MICALL2: variants seen among roughly 807,000 people sequenced by gnomAD.
MICALL2 encodes the protein MICAL like 2.
MICALL2 carries 111 observed loss-of-function variants against 91.1 expected under a neutral mutation model. That is an observed-to-expected ratio of 1.22 (90% CI 1.04 to 1.43). MICALL2 has a LOEUF of 1.43. Among genes scored for constraint, MICALL2 ranks in the 40% most tolerant of loss-of-function variants. The pLI is 0.00. For synonymous variants in MICALL2, 694 were observed against 525.3 expected (o/e 1.32, Z -4.39); for missense variants, 1,556 against 1,236.0 (o/e 1.26, Z -3.88).
intron 7 of MICALL2, 153 bp downstream of exon 7, chr7:1,442,039 G>A: frequency 3.4e-6 from 3 of 870,470 alleles, no homozygotes; most frequent in South Asian, 1.6e-5. Flanking sequence ...GACCCCAGGA[G>A]GCTGCGAGCA....
In MICALL2 at chr7:1,434,516, T is replaced by A. The variant is rs1002893848; in HGVS notation, c.*80A>T. On this transcript the variant is annotated 3_prime_UTR_variant, in exon 17 of 17. Coordinates refer to ENST00000297508, the MANE Select transcript of MICALL2 (RefSeq NM_182924.4). ...CACGGCCCCGAGTACAAGTCCGGGT[T>A]CCGGGTCCGGGCCAAGCCCATGGCC... 3 of 1,288,520 alleles carry A rather than the reference T, an allele frequency of 2.3e-6. No homozygotes were observed. Among genetic ancestry groups the A allele is most frequent in the Admixed American group, 1.7e-5 (1 of 59,162 alleles). 79.8% of individuals were successfully genotyped at this position (1,288,520 alleles called of 1,614,324 possible).
chr7:1,448,628 C>T lies in MICALL2; in HGVS notation c.326G>A (p.Arg109His), dbSNP rs147276407. 39 of 1,612,498 alleles carry T rather than the reference C, an allele frequency of 2.4e-5. No homozygotes were observed. Among genetic ancestry groups the T allele is most frequent in the South Asian group, 1.1e-5 (1 of 91,078 alleles). Residue 109 changes from arginine to histidine, a missense_variant, in exon 3 of 17, where the codon CGC becomes CAC. Coordinates refer to ENST00000297508, the MANE Select transcript of MICALL2 (RefSeq NM_182924.4). ...VSQYYNYFHG[R>H]SPIGGMAGVK... is the part of the protein sequence containing the mutation. Reference sequence around the variant, plus strand: ...GCGCGGCAGGGACTCACTGGGGGAGCGGCCGTGGAAGTAGTTGTAATACTG... The same window carrying T: ...GCGCGGCAGGGACTCACTGGGGGAGTGGCCGTGGAAGTAGTTGTAATACTG...
chr7:1,449,009 A>G (rs1210286411), intron 2 of MICALL2, among the ~76,000 whole-genome samples: 1 of 152,238 alleles, frequency 6.6e-6, no homozygotes, highest in African/African-American at 2.4e-5. Flanking sequence ...CGTCCAGGTG[A>G]AACCTCAGGG....
chr7:1,435,944 T>A (rs951714613), intron 15 of MICALL2, among the ~76,000 whole-genome samples: 1 of 148,838 alleles, frequency 6.7e-6, no homozygotes, highest in Non-Finnish European at 1.5e-5. Flanking sequence ...CCCAGCTACT[T>A]GGGAAGCTGA....
At chr7:1,456,481 G>A (rs1781021653) in intron 1 of MICALL2, among the ~76,000 whole-genome samples, 1 of 152,204 alleles carries the variant, frequency 6.6e-6, no homozygotes, top group South Asian at 2.1e-4. Flanking sequence ...AGCTACTTGG[G>A]AGGCTGAGGC....
intron 10 of MICALL2, 135 bp downstream of exon 10, chr7:1,438,705 G>C: frequency 6.7e-7 from 1 of 1,486,910 alleles, no homozygotes; most frequent in Non-Finnish European, 8.9e-7. Context: ...GCACGGGGCT[G>C]GGTCCTTCCT....
Position 1,450,226 on chromosome 7 carries a change from C to CG in MICALL2, c.192+13dup, listed in dbSNP as rs747131417. The CG allele has an allele frequency of 1.5e-4, 248 of 1,610,740 alleles. No individual in the cohort carries two copies. Among genetic ancestry groups the CG allele is most frequent in the Non-Finnish European group, 1.7e-5 (20 of 1,178,710 alleles). ...GGCTAAGCCAGCTGTGAGGCCGGGG[C>CG]GGGGGCCACTCACCAGTTTATTGTT... On this transcript the variant is annotated intron_variant, in intron 2 of 16. Coordinates refer to ENST00000297508, the MANE Select transcript of MICALL2 (RefSeq NM_182924.4).
At chr7:1,455,944 C>T (rs1003400178) in intron 1 of MICALL2, among the ~76,000 whole-genome samples, 6 of 151,972 alleles carry the variant, frequency 3.9e-5, no homozygotes, top group Non-Finnish European at 5.9e-5. Flanking sequence ...AGAGGACAAC[C>T]GGTCTGTGCC....
intron 9 of MICALL2, 31 bp downstream of exon 9, chr7:1,439,894 C>T (rs2128520184): frequency 7.1e-7 from 1 of 1,401,580 alleles, no homozygotes; most frequent in African/African-American, 1.5e-5. Flanking sequence ...GCTAGGCAAC[C>T]CGGGGGCCCC....
intron 16 of MICALL2, 194 bp from the exon 17 acceptor site, chr7:1,434,866 C>T: frequency 2.8e-6 from 2 of 713,354 alleles, no homozygotes; most frequent in South Asian, 3.7e-5. Context: ...GGGCTGGTCC[C>T]CACCATGACC....
Position 1,434,615 on chromosome 7 carries a change from T to C in MICALL2, c.2696A>G (p.Lys899Arg). 1 of 1,591,406 alleles carries C rather than the reference T, an allele frequency of 6.3e-7. No homozygotes were observed. The highest frequency in any genetic ancestry group is 2.2e-5 in the East Asian group (1 of 44,712). ...TGGCTACTACTGGGAGGGGCTGCTT[T>C]TGCTTTTTGGTGACCAGATCTTGGA... ...RLSKIWSPKS[K>R]SSPSQ Residue 899 changes from lysine to arginine, a missense_variant, in exon 17 of 17, where the codon AAA becomes AGA. Coordinates refer to ENST00000297508, the MANE Select transcript of MICALL2 (RefSeq NM_182924.4).
rs749003870 is a variant in MICALL2, at chr7:1,445,251, T to TG, written c.818dup (p.Gln274ThrfsTer51). 3.7e-6 allele frequency: 6 copies of TG among 1,612,352 alleles called. 1 individual carries two copies. Among genetic ancestry groups the TG allele is most frequent in the Middle Eastern group, 1.7e-4 (1 of 6,060 alleles). On this transcript the variant is annotated frameshift_variant, in exon 6 of 17. Coordinates refer to ENST00000297508, the MANE Select transcript of MICALL2 (RefSeq NM_182924.4). LOFTEE classifies it high-confidence loss of function. The stretch of plus-strand genomic sequence containing the variant: ...CCTTGTTTGCCTCCTGGGCCTTCTG[T>TG]GGGGAACAGGAGGTCCTGGAATCCA...
Position 1,437,571 on chromosome 7 carries a change from T to C in MICALL2, c.2440A>G (p.Ile814Val), listed in dbSNP as rs891984026. The C allele has an allele frequency of 1.3e-6, 2 of 1,535,738 alleles. No homozygotes were observed. The highest frequency in any genetic ancestry group is 1.7e-6 in the Non-Finnish European group (2 of 1,145,558). Reference sequence around the variant, plus strand: ...ATGAGCCGGCGCAGCTCGCCCTCGATGTCCAGCTGCTGCTCCTCCAGACGC... The same window carrying C: ...ATGAGCCGGCGCAGCTCGCCCTCGACGTCCAGCTGCTGCTCCTCCAGACGC... ...AQRLEEQQLD[I>V]EGELRRLMAK... is the part of the protein sequence containing the mutation. Residue 814 changes from isoleucine (I) to valine (V), a missense_variant, in exon 14 of 17, where the codon ATC becomes GTC. Ile to Val is a conservative substitution (Grantham distance 29). Transcript: ENST00000297508.
intron 3 of MICALL2, among the ~76,000 whole-genome samples, chr7:1,448,207 G>A (rs116855802): frequency 0.015 from 2,297 of 152,340 alleles, 33 homozygotes; most frequent in Middle Eastern, 0.041. Context: ...CAGGACAGAT[G>A]AAGGTAGGCC....
At chr7:1,455,790 G>A (rs1036707206) in intron 1 of MICALL2, among the ~76,000 whole-genome samples, 2 of 151,990 alleles carry the variant, frequency 1.3e-5, no homozygotes, top group African/African-American at 2.4e-5. Flanking sequence ...GCCAGACAAA[G>A]GGAAGGACTT....
intron 9 of MICALL2, 98 bp from the exon 10 acceptor site, chr7:1,439,093 G>A (rs1217649948): frequency 2.0e-6 from 2 of 991,862 alleles, no homozygotes; most frequent in East Asian, 2.7e-5. Context: ...GGGTAGCCCG[G>A]CCATCCCCAT....
intron 1 of MICALL2, among the ~76,000 whole-genome samples, chr7:1,456,004 G>A (rs1208889182): frequency 6.6e-6 from 1 of 151,904 alleles, no homozygotes; most frequent in Non-Finnish European, 1.5e-5. Context: ...GGGGACAGGA[G>A]GGACAGCCAA....
At chr7:1,438,606 G>A (rs1014034042) in intron 10 of MICALL2, 98 of 1,419,902 alleles carry the variant, frequency 6.9e-5, no homozygotes, top group Non-Finnish European at 8.1e-5. Context: ...CCCTCAAGCT[G>A]CCAGAAGCAG....
At chr7:1,434,990 C>T (rs1190496026) in intron 16 of MICALL2, 111 bp downstream of exon 16, 11 of 299,334 alleles carry the variant, frequency 3.7e-5, no homozygotes, top group Non-Finnish European at 5.6e-5. Flanking sequence ...TACCCGCCCC[C>T]CCCCCACCCC....
Sources: gnomAD v4.1 joint callset for allele counts (sites outside exome capture counted in the v4.1 genomes callset) on GRCh38, gnomAD v4.1.1 for gene constraint, MANE v1.5 for transcripts, NCBI Gene and HGNC (gene_info 2026-07-23, HGNC 2026-07-21) for gene names.